The following DNER variants were observed in gnomAD, a reference collection of about 807,000 sequenced individuals.
DNER encodes delta and Notch-like epidermal growth factor-related receptor.
DNER carries 33 observed loss-of-function variants against 78.2 expected under a neutral mutation model. The observed-to-expected ratio is 0.42, with a 90% CI of 0.32 to 0.56. The LOEUF (loss-of-function observed/expected upper bound fraction) is 0.56. DNER is among the 20% of genes least tolerant of loss of function. The pLI, the probability that DNER is intolerant of heterozygous loss-of-function variation, is 0.11. For synonymous variants in DNER, 417 were observed against 384.8 expected, an observed-to-expected ratio of 1.08 and a Z score of -0.98; for missense variants, 918 against 975.3, an observed-to-expected ratio of 0.94 and a Z score of 0.78.
intron 7 of DNER, among the ~76,000 whole-genome samples, chr2:229,472,667 G>A (rs1312276549): frequency 6.6e-6 from 1 of 152,138 alleles, no homozygotes; most frequent in Admixed American, 6.5e-5. Context: ...CAAATACGAA[G>A]ACAATAAATT....
intron 8 of DNER, among the ~76,000 whole-genome samples, chr2:229,429,836 C>G (rs1185007712): frequency 6.6e-6 from 1 of 151,908 alleles, no homozygotes; most frequent in South Asian, 2.1e-4. Flanking sequence ...TACCCTTTTT[C>G]CTTTTCATAG....
chr2:229,664,363 C>T (rs1699055969), intron 1 of DNER, among the ~76,000 whole-genome samples: 1 of 152,132 alleles, frequency 6.6e-6, no homozygotes, highest in South Asian at 2.1e-4. Context: ...GTAAGGCCAG[C>T]TGGGCACGGT....
intron 7 of DNER, among the ~76,000 whole-genome samples, chr2:229,460,666 A>G (rs1332368555): frequency 6.6e-6 from 1 of 152,128 alleles, no homozygotes; most frequent in East Asian, 1.9e-4. Flanking sequence ...AATATTCAAG[A>G]TGCAGGCATA....
At chr2:229,490,761 C>A (rs1695381913) in intron 6 of DNER, among the ~76,000 whole-genome samples, 1 of 152,098 alleles carries the variant, frequency 6.6e-6, no homozygotes, top group Admixed American at 6.5e-5. Context: ...TTTAAAAAAA[C>A]AAACAAACTT....
At chr2:229,546,247 G>T (rs569137836) in intron 5 of DNER, among the ~76,000 whole-genome samples, 2 of 152,274 alleles carry the variant, frequency 1.3e-5, no homozygotes, top group South Asian at 4.1e-4. Flanking sequence ...CATCCCAGTG[G>T]TTTTAATTCC....
At chr2:229,476,124 G>A (rs948269452) in intron 7 of DNER, among the ~76,000 whole-genome samples, 4 of 152,160 alleles carry the variant, frequency 2.6e-5, no homozygotes, top group African/African-American at 7.2e-5. Context: ...GAGAGAGAGG[G>A]ATGGCTGGGT....
intron 8 of DNER, among the ~76,000 whole-genome samples, chr2:229,423,209 T>G (rs1430815118): frequency 6.6e-6 from 1 of 152,146 alleles, no homozygotes; most frequent in Non-Finnish European, 1.5e-5. Context: ...GCCTCCTCAT[T>G]CTTCACAACA....
At chr2:229,502,818 G>C (rs1695649173) in intron 6 of DNER, among the ~76,000 whole-genome samples, 1 of 152,180 alleles carries the variant, frequency 6.6e-6, no homozygotes, top group South Asian at 2.1e-4. Flanking sequence ...TAAGGAGACG[G>C]CAGGCAGGGC....
intron 1 of DNER, among the ~76,000 whole-genome samples, chr2:229,679,192 A>C (rs1463067489): frequency 6.6e-6 from 1 of 152,216 alleles, no homozygotes; most frequent in Non-Finnish European, 1.5e-5. Context: ...TTTATTCTTA[A>C]ACAAGAATAT....
At chr2:229,379,659 T>C (rs1198439644) in intron 11 of DNER, among the ~76,000 whole-genome samples, 2 of 152,188 alleles carry the variant, frequency 1.3e-5, no homozygotes, top group Non-Finnish European at 2.9e-5. Flanking sequence ...AGGCACAAAG[T>C]GTGTCAATTT....
At chr2:229,558,588 T>G (rs966050724) in intron 4 of DNER, among the ~76,000 whole-genome samples, 1 of 152,184 alleles carries the variant, frequency 6.6e-6, no homozygotes, top group African/African-American at 2.4e-5. Flanking sequence ...ATATTCTAAG[T>G]CTGTGATTCC....
At chr2:229,575,731 G>A (rs6714639) in intron 4 of DNER, among the ~76,000 whole-genome samples, 2,876 of 152,220 alleles carry the variant, frequency 0.019, 103 homozygotes, top group African/African-American at 0.065. Context: ...TGGAATGCTC[G>A]GGGTATCACC....
chr2:229,372,677 A>G (rs567525173), intron 11 of DNER, among the ~76,000 whole-genome samples: 14 of 152,314 alleles, frequency 9.2e-5, no homozygotes, highest in African/African-American at 3.4e-4. Flanking sequence ...TGCACTTTGA[A>G]AAGATCCTTC....
chr2:229,491,495 C>T (rs942308818), intron 6 of DNER, among the ~76,000 whole-genome samples: 15 of 152,328 alleles, frequency 9.8e-5, no homozygotes, highest in Admixed American at 7.2e-4. Context: ...TTTAGGGAAA[C>T]GCAAACACAG....
intron 1 of DNER, among the ~76,000 whole-genome samples, chr2:229,674,199 C>A (rs536322798): frequency 6.6e-6 from 1 of 152,174 alleles, no homozygotes; most frequent in Non-Finnish European, 1.5e-5. Flanking sequence ...GTAAATAGTT[C>A]CTTTGTTTAG....
chr2:229,644,895 C>T (rs544294559), intron 1 of DNER, among the ~76,000 whole-genome samples: 45 of 152,164 alleles, frequency 3.0e-4, no homozygotes, highest in Middle Eastern at 3.4e-3. Context: ...GATGAGTAAT[C>T]GGTAACTGTT....
At chr2:229,602,909 C>T (rs564868023) in intron 1 of DNER, among the ~76,000 whole-genome samples, 6 of 152,208 alleles carry the variant, frequency 3.9e-5, no homozygotes, top group Admixed American at 2.0e-4. Flanking sequence ...AAATGGCCCA[C>T]GATAGCACAG....
chr2:229,657,939 G>T (rs1423460620), intron 1 of DNER, among the ~76,000 whole-genome samples: 1 of 152,088 alleles, frequency 6.6e-6, no homozygotes, highest in Admixed American at 6.6e-5. Context: ...AAAAAAACTG[G>T]TTCTTCCTTA....
intron 9 of DNER, among the ~76,000 whole-genome samples, chr2:229,410,048 T>C (rs1206577905): frequency 6.6e-6 from 1 of 152,056 alleles, no homozygotes; most frequent in East Asian, 1.9e-4. Flanking sequence ...ACCACTCCCA[T>C]TCCCAGAAAA....
Sources: allele counts gnomAD v4.1 joint callset (sites outside exome capture counted in the v4.1 genomes callset), GRCh38; gene constraint gnomAD v4.1.1; transcripts MANE v1.5; gene names NCBI Gene and HGNC (gene_info 2026-07-23, HGNC 2026-07-21).